The following COMMD1 variants were observed in gnomAD, a reference collection of about 807,000 sequenced individuals.
COMMD1 encodes copper metabolism domain containing 1, also known as COMM domain-containing protein 1.
Under a neutral mutation model 17.2 loss-of-function variants are expected in COMMD1, and 10 were observed. That is an observed-to-expected ratio of 0.58 (90% confidence interval 0.36 to 0.99). The LOEUF (loss-of-function observed/expected upper bound fraction) is 0.99. Among genes scored for constraint, COMMD1 ranks in the 50% least tolerant of loss-of-function variants. The pLI, the probability that COMMD1 is intolerant of heterozygous loss-of-function variation, is 0.01. For synonymous variants in COMMD1, 97 were observed against 91.6 expected (o/e 1.06, Z -0.34); for missense variants, 270 against 231.8 (o/e 1.17, Z -1.07).
intron 2 of COMMD1, among the ~76,000 whole-genome samples, chr2:62,061,787 C>T (rs1448661639): frequency 6.6e-6 from 1 of 151,710 alleles, no homozygotes; most frequent in African/African-American, 2.4e-5. Context: ...GTCTCGATCT[C>T]CTGACCTCGT....
chr2:61,893,485 C>G (rs1669482353), intron 1 of COMMD1, among the ~76,000 whole-genome samples: 1 of 151,946 alleles, frequency 6.6e-6, no homozygotes, highest in African/African-American at 2.4e-5. Flanking sequence ...TATCGAAAAA[C>G]AGGAATGAAC....
intron 2 of COMMD1, among the ~76,000 whole-genome samples, chr2:62,112,634 T>G: frequency 6.6e-6 from 1 of 152,238 alleles, no homozygotes; most frequent in East Asian, 1.9e-4. Flanking sequence ...CTTGTACATA[T>G]GCCATCTTAT....
At chr2:61,906,345 G>C (rs573474329) in intron 1 of COMMD1, among the ~76,000 whole-genome samples, 1 of 152,174 alleles carries the variant, frequency 6.6e-6, no homozygotes, top group African/African-American at 2.4e-5. Context: ...TCAAAGTATA[G>C]ACTAGATCGT....
intron 1 of COMMD1, among the ~76,000 whole-genome samples, chr2:61,896,610 T>G (rs1669553563): frequency 6.6e-6 from 1 of 152,062 alleles, no homozygotes; most frequent in African/African-American, 2.4e-5. Context: ...ATCTTGTTAT[T>G]ACTCCTCTGC....
intron 1 of COMMD1, among the ~76,000 whole-genome samples, chr2:61,985,910 C>T (rs1225174493): frequency 6.6e-6 from 1 of 152,114 alleles, no homozygotes; most frequent in Non-Finnish European, 1.5e-5. Context: ...AGTTCACACA[C>T]CCCAATACAG....
intron 2 of COMMD1, 32 bp downstream of exon 2, chr2:62,001,014 A>G: frequency 6.3e-7 from 1 of 1,598,554 alleles, no homozygotes. Flanking sequence ...TTTCCTTTGT[A>G]AACTGTATTT....
chr2:61,982,889 T>C (rs7576158), intron 1 of COMMD1, among the ~76,000 whole-genome samples: 105 of 152,340 alleles, frequency 6.9e-4, no homozygotes, highest in African/African-American at 2.4e-3. Flanking sequence ...TCATGATGAA[T>C]GATCTTAACA....
intron 2 of COMMD1, among the ~76,000 whole-genome samples, chr2:62,133,549 GAAAAAAAA>G (rs547044702): frequency 8.6e-6 from 1 of 116,402 alleles, no homozygotes; most frequent in Admixed American, 8.8e-5. Context: ...AAGCTTAACA[GAAAAAAAA>G]AAAAAAGAAA....
chr2:62,122,439 C>CTTTCTTTT (rs1558608550), intron 2 of COMMD1, among the ~76,000 whole-genome samples: 3 of 136,580 alleles, frequency 2.2e-5, no homozygotes, highest in African/African-American at 6.1e-5. Flanking sequence ...AAGTTTCTTT[C>CTTTCTTTT]TTTTCTTTTT....
intron 2 of COMMD1, among the ~76,000 whole-genome samples, chr2:62,050,509 G>A (rs1670506257): frequency 6.6e-6 from 1 of 152,056 alleles, no homozygotes; most frequent in African/African-American, 2.4e-5. Flanking sequence ...AGGGAAAAAG[G>A]GAAGAAAAAC....
At chr2:62,031,754 G>T (rs922850348) in intron 2 of COMMD1, among the ~76,000 whole-genome samples, 6 of 152,154 alleles carry the variant, frequency 3.9e-5, no homozygotes, top group African/African-American at 1.4e-4. Context: ...AATAAAAATA[G>T]CTCCACATTC....
intron 1 of COMMD1, among the ~76,000 whole-genome samples, chr2:61,974,952 C>G (rs1384931435): frequency 6.6e-6 from 1 of 151,998 alleles, no homozygotes; most frequent in Non-Finnish European, 1.5e-5. Context: ...TCCTGAACCC[C>G]TGGCAATCAC....
intron 2 of COMMD1, among the ~76,000 whole-genome samples, chr2:62,119,906 T>G (rs1558607449): frequency 6.6e-6 from 1 of 152,240 alleles, no homozygotes; most frequent in Non-Finnish European, 1.5e-5. Flanking sequence ...GCAAGTACTA[T>G]TGCATATTTT....
chr2:62,063,187 A>G (rs1163534060), intron 2 of COMMD1, among the ~76,000 whole-genome samples: 1 of 152,192 alleles, frequency 6.6e-6, no homozygotes, highest in Non-Finnish European at 1.5e-5. Context: ...ACTGCACTCC[A>G]GCCTGGTGAC....
intron 2 of COMMD1, among the ~76,000 whole-genome samples, chr2:62,059,542 AT>A (rs1254550517): frequency 6.6e-6 from 1 of 151,674 alleles, no homozygotes; most frequent in Non-Finnish European, 1.5e-5. Flanking sequence ...GCCTCTCCCC[AT>A]TTTTTCCCCC....
chr2:61,913,303 G>C (rs1669957810), intron 1 of COMMD1, among the ~76,000 whole-genome samples: 1 of 146,522 alleles, frequency 6.8e-6, no homozygotes, highest in Non-Finnish European at 1.5e-5. Flanking sequence ...GGAGGCGGAG[G>C]TTGTGGTGAG....
intron 2 of COMMD1, among the ~76,000 whole-genome samples, chr2:62,086,027 C>T (rs1343580905): frequency 1.3e-5 from 2 of 151,542 alleles, no homozygotes; most frequent in Non-Finnish European, 2.9e-5. Flanking sequence ...ATGAGCCAGG[C>T]GTGGTGGCAC....
At chr2:61,893,405 A>T (rs867574758) in intron 1 of COMMD1, among the ~76,000 whole-genome samples, 5 of 152,202 alleles carry the variant, frequency 3.3e-5, no homozygotes, top group African/African-American at 1.2e-4. Flanking sequence ...AAATGGGAAG[A>T]GGAAAAGCCA....
At chr2:61,899,481 A>G (rs1669614913) in intron 1 of COMMD1, among the ~76,000 whole-genome samples, 1 of 152,156 alleles carries the variant, frequency 6.6e-6, no homozygotes, top group South Asian at 2.1e-4. Flanking sequence ...GTCATACATT[A>G]TATTAAATAA....
Sources: allele counts gnomAD v4.1 joint callset (sites outside exome capture counted in the v4.1 genomes callset), GRCh38; gene constraint gnomAD v4.1.1; transcripts MANE v1.5; gene names NCBI Gene and HGNC (gene_info 2026-07-23, HGNC 2026-07-21).